Variants in PTPRD observed in about 807,000 individuals in gnomAD.
PTPRD encodes the protein receptor-type tyrosine-protein phosphatase delta.
Under a neutral mutation model 214.5 loss-of-function variants are expected in PTPRD, and 34 were observed. That is an observed-to-expected ratio of 0.16 (90% CI 0.12 to 0.21). The LOEUF (loss-of-function observed/expected upper bound fraction) is 0.21. Ranked by LOEUF, PTPRD falls within the 10% of genes least tolerant of loss-of-function variation. The probability of loss-of-function intolerance (pLI) is 1.00; values close to 1 mark genes in which losing one functional copy is unlikely to be tolerated. For synonymous variants in PTPRD, 1,128 were observed against 845.7 expected, an observed-to-expected ratio of 1.33 and a Z score of -5.79; for missense variants, 2,545 against 2,398.7, an observed-to-expected ratio of 1.06 and a Z score of -1.27.
At chr9:10,254,893 C>A (rs1269015744) in intron 3 of PTPRD, among the ~76,000 whole-genome samples, 1 of 152,130 alleles carries the variant, frequency 6.6e-6, no homozygotes, top group Non-Finnish European at 1.5e-5. Flanking sequence ...ACAAAAGGAT[C>A]AAATCTCTGT....
intron 8 of PTPRD, among the ~76,000 whole-genome samples, chr9:9,443,257 A>G (rs541002659): frequency 4.7e-4 from 72 of 152,222 alleles, no homozygotes; most frequent in African/African-American, 1.6e-3. Flanking sequence ...ATAAATAAAT[A>G]AATAACAGCA....
At chr9:10,010,284 T>G (rs1040750421) in intron 4 of PTPRD, among the ~76,000 whole-genome samples, 25 of 151,954 alleles carry the variant, frequency 1.6e-4, no homozygotes, top group African/African-American at 5.3e-4. Flanking sequence ...AAAATGTAAT[T>G]CATTTACATA....
intron 3 of PTPRD, among the ~76,000 whole-genome samples, chr9:10,295,903 G>A (rs1251419449): frequency 4.6e-5 from 7 of 151,942 alleles, no homozygotes; most frequent in Non-Finnish European, 8.8e-5. Context: ...GGAAGGGAGA[G>A]CAATTAACGG....
rs1443302393 is a variant in PTPRD, at chr9:8,618,925, T to G, written c.352+14392A>C. On this transcript the variant is annotated intron_variant, in intron 14 of 45. Transcript: ENST00000381196. ...GTCTGTGTTTTTTTGTTTTTTTTTT[T>G]TTTTTTTTTTTTTTACCGGAAACAG... Among the ~76,000 whole-genome samples, 158 of 143,586 alleles carry G rather than the reference T, an allele frequency of 1.1e-3. 2 individuals carry two copies. In the South Asian group the frequency reaches 0.012, roughly 11 times the overall value. 94.2% of individuals were successfully genotyped at this position (143,586 alleles called of 152,430 possible). A position where few individuals can be genotyped will look rare whatever the true frequency, so the allele number is the denominator to read the frequency against.
intron 10 of PTPRD, among the ~76,000 whole-genome samples, chr9:9,163,699 C>G (rs1440973915): frequency 1.3e-5 from 2 of 152,102 alleles, no homozygotes; most frequent in African/African-American, 4.8e-5. Flanking sequence ...AAGATCAAAC[C>G]TCTAACCATT....
intron 12 of PTPRD, among the ~76,000 whole-genome samples, chr9:8,726,109 A>T (rs1003716358): frequency 1.3e-5 from 2 of 152,202 alleles, no homozygotes; most frequent in African/African-American, 4.8e-5. Flanking sequence ...CTGAAGAAAA[A>T]AGAATATACT....
Position 8,940,280 on chromosome 9 carries a change from C to CTTTTTTTTTTTTTTTTTTTTTT in PTPRD, c.-104+78416_-104+78417insAAAAAAAAAAAAAAAAAAAAAA, listed in dbSNP as rs34342718. ...TCACACATCTCTCTCTCTCTCTCTCCTTTTTTTTTTTTTTTTTTTTGAGAT... is the reference window on the plus strand; with the variant it reads ...TCACACATCTCTCTCTCTCTCTCTCCTTTTTTTTTTTTTTTTTTTTTTTTTTTTTTTTTTTTTTTTTTGAGAT... On this transcript the variant is annotated intron_variant, in intron 11 of 45. Transcript: ENST00000381196. Among the ~76,000 whole-genome samples, 29 of 89,038 alleles carry CTTTTTTTTTTTTTTTTTTTTTT rather than the reference C, an allele frequency of 3.3e-4. 3 individuals carry two copies. The highest frequency in any genetic ancestry group is 4.3e-4 in the Non-Finnish European group (21 of 48,718). The allele number at this position is 89,038 out of a possible 152,430, so 58.4% of individuals were successfully genotyped here. A position where few individuals can be genotyped will look rare whatever the true frequency, so the allele number is the denominator to read the frequency against.
At chr9:8,621,319 T>A (rs1484117060) in intron 14 of PTPRD, among the ~76,000 whole-genome samples, 1 of 152,032 alleles carries the variant, frequency 6.6e-6, no homozygotes, top group African/African-American at 2.4e-5. Flanking sequence ...TAGCATATAG[T>A]TAACCAGGCT....
chr9:9,027,014 T>C (rs759731329), intron 10 of PTPRD, among the ~76,000 whole-genome samples: 26 of 151,512 alleles, frequency 1.7e-4, no homozygotes, highest in Non-Finnish European at 3.5e-4. Flanking sequence ...CTCCCAGTTA[T>C]GGCTTTTCTC....
intron 5 of PTPRD, among the ~76,000 whole-genome samples, chr9:9,902,314 C>A (rs932333435): frequency 1.3e-5 from 2 of 152,074 alleles, no homozygotes; most frequent in African/African-American, 4.8e-5. Context: ...ATAATTTTTG[C>A]AACATCGTGT....
intron 41 of PTPRD, 47 bp downstream of exon 41, chr9:8,341,043 A>G (rs753894519): frequency 6.7e-7 from 1 of 1,503,182 alleles, no homozygotes; most frequent in Non-Finnish European, 8.9e-7. Flanking sequence ...ACTAGGGCAC[A>G]TGTAAATATC....
chr9:8,504,201 GC>G, intron 23 of PTPRD, 59 bp downstream of exon 23: 1 of 1,573,448 alleles, frequency 6.4e-7, no homozygotes, highest in Non-Finnish European at 8.7e-7. Flanking sequence ...GAAGGTGAAA[GC>G]TAGCAACATC....
intron 39 of PTPRD, among the ~76,000 whole-genome samples, chr9:8,343,280 T>G (rs1450194867): frequency 6.6e-6 from 1 of 152,114 alleles, no homozygotes; most frequent in East Asian, 1.9e-4. Flanking sequence ...ACCACTACTT[T>G]AAAATAGGTT....
At chr9:9,840,504 C>T (rs57490404) in intron 5 of PTPRD, among the ~76,000 whole-genome samples, 1 of 151,778 alleles carries the variant, frequency 6.6e-6, no homozygotes, top group Non-Finnish European at 1.5e-5. Flanking sequence ...TGAGTTTATT[C>T]TTACATTATG....
At chr9:8,863,985 A>G (rs2098151542) in intron 11 of PTPRD, among the ~76,000 whole-genome samples, 1 of 152,214 alleles carries the variant, frequency 6.6e-6, no homozygotes. Context: ...TTAAGAAGTC[A>G]CCAGAAAGCT....
At chr9:9,669,195 C>G (rs1328768661) in intron 7 of PTPRD, among the ~76,000 whole-genome samples, 1 of 152,126 alleles carries the variant, frequency 6.6e-6, no homozygotes, top group Non-Finnish European at 1.5e-5. Flanking sequence ...GACACATGCA[C>G]AACTATGTTT....
chr9:10,294,759 T>C (rs2095627043), intron 3 of PTPRD, among the ~76,000 whole-genome samples: 1 of 151,982 alleles, frequency 6.6e-6, no homozygotes, highest in African/African-American at 2.4e-5. Flanking sequence ...GTAATTTCTG[T>C]CCTTTCACTT....
At chr9:10,253,540 C>T (rs2092978312) in intron 3 of PTPRD, among the ~76,000 whole-genome samples, 1 of 152,180 alleles carries the variant, frequency 6.6e-6, no homozygotes, top group Admixed American at 6.5e-5. Flanking sequence ...CCAATTAAAA[C>T]ATAGTACATG....
intron 4 of PTPRD, among the ~76,000 whole-genome samples, chr9:9,983,595 G>A (rs1011116323): frequency 6.6e-6 from 1 of 152,096 alleles, no homozygotes; most frequent in Non-Finnish European, 1.5e-5. Context: ...GTTTCACATG[G>A]GAACCAAAAC....
Sources: allele counts gnomAD v4.1 joint callset (sites outside exome capture counted in the v4.1 genomes callset), GRCh38; gene constraint gnomAD v4.1.1; transcripts MANE v1.5; gene names NCBI Gene and HGNC (gene_info 2026-07-23, HGNC 2026-07-21).